COL11A2: variants seen among roughly 807,000 people sequenced by gnomAD.
The protein encoded by COL11A2 is collagen alpha-2(XI) chain.
COL11A2 carries 116 observed loss-of-function variants against 273.4 expected under a neutral mutation model. The ratio of observed to expected loss-of-function variants is 0.42; its 90% CI spans 0.36 to 0.49. The LOEUF (loss-of-function observed/expected upper bound fraction) is 0.49, where lower values mean the gene tolerates loss of function less well. Ranked by LOEUF, COL11A2 falls within the 20% of genes least tolerant of loss-of-function variation. The pLI is 0.00. For synonymous variants in COL11A2, 782 were observed against 864.2 expected (o/e 0.90, Z 1.67); for missense variants, 1,866 against 2,309.0 (o/e 0.81, Z 3.93).
In COL11A2 at chr6:33,173,091, G is replaced by A. The variant is rs745374161; in HGVS notation, c.2759C>T (p.Pro920Leu). Reference protein sequence around the residue: ...GEVGFQGKTGPPGPPGVVGPQ... With the variant: ...GEVGFQGKTGLPGPPGVVGPQ... ...TCCCACCACTCCTGGAGGACCAGGG[G>A]GGCCGGTCTTCCCTTGGAAACCCTA... Residue 920 changes from proline (P) to leucine (L), a missense_variant, in exon 38 of 66, where the codon CCC becomes CTC. Physicochemically the swap from Pro to Leu is moderately conservative, Grantham distance 98. Coordinates refer to ENST00000341947, the MANE Select transcript of COL11A2 (RefSeq NM_080680.3). This position sits in a 1 kb window ranked among gnomAD's most constrained non-coding sequence, Gnocchi z 6.3. 6.2e-7 allele frequency: 1 copy of A among 1,612,522 alleles called. No homozygotes were observed. Among genetic ancestry groups the A allele is most frequent in the African/African-American group, 1.3e-5 (1 of 74,886 alleles).
At position 33,185,725 on chromosome 6, in the gene COL11A2, A is replaced by T. The variant is rs1432235403; in HGVS notation, c.852T>A (p.Thr284=). The T allele has an allele frequency of 1.5e-6, 2 of 1,361,238 alleles. No individual in the cohort carries two copies. The highest frequency in any genetic ancestry group is 9.8e-7 in the Non-Finnish European group (1 of 1,018,708). 84.3% of individuals were successfully genotyped at this position (1,361,238 alleles called of 1,614,324 possible). A position where few individuals can be genotyped will look rare whatever the true frequency, so the allele number is the denominator to read the frequency against. Residue 284 remains threonine, a synonymous_variant, in exon 6 of 66, where the codon ACT becomes ACA. Transcript: ENST00000341947. The part of the protein sequence containing the change: ...DYEPPYYDVM[T]TGTTPDYQDP... Reference sequence around the variant, plus strand: ...CCTGATAATCAGGGGTTGTCCCCGTAGTCATCACATCATAATAGGGGGGCT... The same window carrying T: ...CCTGATAATCAGGGGTTGTCCCCGTTGTCATCACATCATAATAGGGGGGCT...
Position 33,167,170 on chromosome 6 carries a change from A to T in COL11A2, c.4177-47T>A. The T allele has an allele frequency of 6.2e-7, 1 of 1,613,820 alleles. No homozygotes were observed. On this transcript the variant is annotated intron_variant, in intron 57 of 65. Transcript: ENST00000341947. The surrounding 1 kb of genome is among the most constrained non-coding windows in gnomAD (Gnocchi z 6.1). ...TTCTCTTAAGGGAGAGGTGGGACCA[A>T]GTTCTCCCCAACAGCCTCCACTTCC...
In COL11A2 at chr6:33,166,811, A is replaced by T. The variant is rs1428147039; in HGVS notation, c.4247T>A (p.Ile1416Asn). The change falls in exon 59 of 66, where the codon ATT becomes AAT. Residue 1416 changes from isoleucine to asparagine, a missense_variant. Ile to Asn is a moderately radical substitution (Grantham distance 149, BLOSUM62 -3). Transcript: ENST00000341947. The surrounding 1 kb of genome is among the most constrained non-coding windows in gnomAD (Gnocchi z 4.8). ...CTCACCCGGGGGCCCAATCAGTCCA[A>T]TGAGACCTGGGTGGCCCTAGAGAAG... is the stretch of plus-strand genomic sequence containing the variant. ...AKGEKGHPGLIGLIGPPGEQG... is the reference protein window; with the variant it reads ...AKGEKGHPGLNGLIGPPGEQG... 1 of 1,613,440 alleles carries T rather than the reference A, an allele frequency of 6.2e-7. No individual in the cohort carries two copies.
Position 33,176,054 on chromosome 6 carries a change from G to T in COL11A2, c.2230C>A (p.Pro744Thr). The T allele has an allele frequency of 6.2e-7, 1 of 1,613,042 alleles. No individual in the cohort carries two copies. ...HKGEKGEDGF[P>T]GFKGDIGVKG... ...ACGCCTATGTCACCTTTGAACCCAG[G>T]AAAGCCATCCTCACCCTGAGAAAGA... Residue 744 changes from proline to threonine, a missense_variant, in exon 29 of 66, where the codon CCT becomes ACT. Coordinates refer to ENST00000341947, the MANE Select transcript of COL11A2 (RefSeq NM_080680.3). This position sits in a 1 kb window ranked among gnomAD's most constrained non-coding sequence, Gnocchi z 4.9.
At position 33,189,527 on chromosome 6, in the gene COL11A2, G is replaced by A; in HGVS notation, c.83-58C>T. 2 of 1,602,304 alleles carry A rather than the reference G, an allele frequency of 1.2e-6. No homozygotes were observed. The highest frequency in any genetic ancestry group is 1.7e-6 in the Non-Finnish European group (2 of 1,172,240). On this transcript the variant is annotated intron_variant, in intron 1 of 65. Coordinates refer to ENST00000341947, the MANE Select transcript of COL11A2 (RefSeq NM_080680.3). The surrounding 1 kb of genome is among the most constrained non-coding windows in gnomAD (Gnocchi z 5.6). Reference sequence around the variant, plus strand: ...CATGCCCTCAGGAGGGCATAAATAGGGGACATTTGGGATCTAGAACTCAGC... The same window carrying A: ...CATGCCCTCAGGAGGGCATAAATAGAGGACATTTGGGATCTAGAACTCAGC...
chr6:33,168,173 T>C (rs1178841252), intron 54 of COL11A2, among the ~76,000 whole-genome samples: 1 of 151,996 alleles, frequency 6.6e-6, no homozygotes, highest in Non-Finnish European at 1.5e-5. Flanking sequence ...TCCATTCTGC[T>C]TTGTCAGTAA....
chr6:33,173,268 C>A lies in COL11A2; in HGVS notation c.2736+80G>T. On this transcript the variant is annotated intron_variant, in intron 37 of 65. Transcript: ENST00000341947. This position sits in a 1 kb window ranked among gnomAD's most constrained non-coding sequence, Gnocchi z 6.3. ...GCTCCACTCTGCCAGGAGAACGTCC[C>A]TGTGGGCTTTCCAGACAGCTCTGGG... 6.3e-7 allele frequency: 1 copy of A among 1,583,548 alleles called. No individual in the cohort carries two copies. Among genetic ancestry groups the A allele is most frequent in the South Asian group, 1.1e-5 (1 of 89,396 alleles).
Position 33,176,894 on chromosome 6 carries a change from G to C in COL11A2, c.2070+98C>G. Reference sequence around the variant, plus strand: ...AACTGTCCATGGACAAGCACCACCAGTGACCTTTCAGTGCAAGGGTCACTA... The same window carrying C: ...AACTGTCCATGGACAAGCACCACCACTGACCTTTCAGTGCAAGGGTCACTA... On this transcript the variant is annotated intron_variant, in intron 25 of 65. Transcript: ENST00000341947. This position sits in a 1 kb window ranked among gnomAD's most constrained non-coding sequence, Gnocchi z 4.9. 6.5e-7 allele frequency: 1 copy of C among 1,538,462 alleles called. No individual in the cohort carries two copies. The highest frequency in any genetic ancestry group is 1.2e-5 in the South Asian group (1 of 85,648).
chr6:33,177,523 G>T lies in COL11A2; in HGVS notation c.1918-58C>A. On this transcript the variant is annotated intron_variant, in intron 22 of 65. Transcript: ENST00000341947. This position sits in a 1 kb window ranked among gnomAD's most constrained non-coding sequence, Gnocchi z 5.9. ...GAGATGGAGATAGAACACATTTAGAGCATGGAGCTGAGTCCCAGCAGCGAT... is the reference window on the plus strand; with the variant it reads ...GAGATGGAGATAGAACACATTTAGATCATGGAGCTGAGTCCCAGCAGCGAT... The T allele has an allele frequency of 6.3e-7, 1 of 1,598,320 alleles. No individual in the cohort carries two copies. Among genetic ancestry groups the T allele is most frequent in the Non-Finnish European group, 8.6e-7 (1 of 1,167,960 alleles).
intron 52 of COL11A2, 56 bp downstream of exon 52, chr6:33,168,898 AC>A (rs113461359): frequency 5.3e-6 from 8 of 1,519,896 alleles, no homozygotes; most frequent in Non-Finnish European, 5.4e-6. Context: ...CACACAGAGG[AC>A]CCCCCCATAG....
chr6:33,178,042 G>T lies in COL11A2; in HGVS notation c.1872+90C>A. Reference sequence around the variant, plus strand: ...ACAGGGAATGGGAAGCATGCCGAGAGAGGAGAGGGAGCAGGAAGGCAGCTA... The same window carrying T: ...ACAGGGAATGGGAAGCATGCCGAGATAGGAGAGGGAGCAGGAAGGCAGCTA... On this transcript the variant is annotated intron_variant, in intron 21 of 65. Coordinates refer to ENST00000341947, the MANE Select transcript of COL11A2 (RefSeq NM_080680.3). The surrounding 1 kb of genome is among the most constrained non-coding windows in gnomAD (Gnocchi z 4.6). 7.6e-7 allele frequency: 1 copy of T among 1,321,322 alleles called. No individual in the cohort carries two copies. Among genetic ancestry groups the T allele is most frequent in the Non-Finnish European group, 1.1e-6 (1 of 936,800 alleles). The allele number at this position is 1,321,322 out of a possible 1,614,324, so 81.8% of individuals were successfully genotyped here.
Position 33,170,703 on chromosome 6 carries a change from T to C in COL11A2, c.3475-93A>G, listed in dbSNP as rs9405003. The C allele has an allele frequency of 6.2e-5, 98 of 1,587,584 alleles. 1 individual carries two copies. The East Asian group carries it at 2.1e-3, about 34-fold the overall frequency. On this transcript the variant is annotated intron_variant, in intron 46 of 65. Transcript: ENST00000341947. This position sits in a 1 kb window ranked among gnomAD's most constrained non-coding sequence, Gnocchi z 4.3. ...GCCCCACAGTCCCCTCCCCTCAGAC[T>C]CCGCAGGCCCTCCAGTCTGCATCGG...
At chr6:33,193,148 G>A (rs1773370614), upstream of COL11A2, among the ~76,000 whole-genome samples, 1 of 152,130 alleles carries the variant, frequency 6.6e-6, no homozygotes, top group African/African-American at 2.4e-5. Flanking sequence ...GGTTGGAAGG[G>A]TCCAGGGAAA....
intron 3 of COL11A2, 39 bp from the exon 4 acceptor site, chr6:33,188,563 G>A (rs1171233752): frequency 3.7e-6 from 6 of 1,612,280 alleles, no homozygotes; most frequent in Non-Finnish European, 5.1e-6. Context: ...ACTCTTGGCT[G>A]ACTGAAGTAG....
chr6:33,181,688 G>C (rs1771756003), intron 8 of COL11A2, among the ~76,000 whole-genome samples: 1 of 151,906 alleles, frequency 6.6e-6, no homozygotes, highest in African/African-American at 2.4e-5. Context: ...GTTTCACCGT[G>C]TTGGCCAGGC....
chr6:33,171,307 G>A lies in COL11A2; in HGVS notation c.3276C>T (p.Pro1092=), dbSNP rs537993709. The A allele has an allele frequency of 1.9e-5, 30 of 1,614,054 alleles. No homozygotes were observed. The highest frequency in any genetic ancestry group is 4.4e-5 in the South Asian group (4 of 91,090). The part of the protein sequence containing the change: ...EDGDKGEVGD[P]GQKGTKGNKG... ...TGTTCCCTTTGGTGCCCTTCTGTCC[G>A]GGGTCCCCCACCTCACCCTGGGAGG... Residue 1092 remains proline, a synonymous_variant, in exon 44 of 66, where the codon CCC becomes CCT. Transcript: ENST00000341947.
chr6:33,177,311 C>T lies in COL11A2; in HGVS notation c.1972-86G>A. The T allele has an allele frequency of 6.2e-7, 1 of 1,602,094 alleles. No homozygotes were observed. Among genetic ancestry groups the T allele is most frequent in the Non-Finnish European group, 8.5e-7 (1 of 1,170,810 alleles). ...GGATTCAAAGCATGAGCAACAAGGG[C>T]CTGAAACCCTTAATTTCCTGTATCC... On this transcript the variant is annotated intron_variant, in intron 23 of 65. Transcript: ENST00000341947. This position sits in a 1 kb window ranked among gnomAD's most constrained non-coding sequence, Gnocchi z 5.9.
rs763393192 is a variant in COL11A2 at position 33,170,383 on chromosome 6, G to A, written c.3529-4C>T. The A allele has an allele frequency of 6.2e-7, 1 of 1,613,016 alleles. No individual in the cohort carries two copies. The highest frequency in any genetic ancestry group is 1.1e-5 in the South Asian group (1 of 91,036). ...GTCCTGGGGGGCCAGGTGGTCCCTG[G>A]GGGAAACAGATACACCACAGATGAG... is the stretch of plus-strand genomic sequence containing the variant. On this transcript the variant is annotated splice_polypyrimidine_tract_variant and splice_region_variant and intron_variant, in intron 47 of 65. Transcript: ENST00000341947. The surrounding 1 kb of genome is among the most constrained non-coding windows in gnomAD (Gnocchi z 4.3).
Position 33,192,202 on chromosome 6 carries a change from G to T in COL11A2, c.39C>A (p.Leu13=). 1 of 1,564,090 alleles carries T rather than the reference G, an allele frequency of 6.4e-7. No individual in the cohort carries two copies. The highest frequency in any genetic ancestry group is 8.7e-7 in the Non-Finnish European group (1 of 1,153,912). ...RCSRCHRLLL[L]LPLVLGLSAA... ...CGCTCAGCCCCAGCACCAGAGGTAG[G>T]AGGAGGAGGAGGCGATGGCAGCGGC... Residue 13 remains leucine (L), a synonymous_variant, in exon 1 of 66, where the codon CTC becomes CTA. Transcript: ENST00000341947.
Sources: gnomAD v4.1 joint callset for allele counts (sites outside exome capture counted in the v4.1 genomes callset) on GRCh38, gnomAD v4.1.1 for gene constraint, Gnocchi (gnomAD v3.1) non-coding constraint, MANE v1.5 for transcripts, NCBI Gene and HGNC (gene_info 2026-07-23, HGNC 2026-07-21) for gene names.